Variants in DLGAP2 observed in about 807,000 individuals in gnomAD.
DLGAP2 encodes the protein DLG associated protein 2, also known as disks large-associated protein 2.
In DLGAP2, 26 loss-of-function variants were observed where a neutral mutation model predicts 100.3. The ratio of observed to expected loss-of-function variants is 0.26; its 90% CI spans 0.19 to 0.36. The LOEUF (loss-of-function observed/expected upper bound fraction) is 0.36. Ranked by LOEUF, DLGAP2 falls within the 10% of genes least tolerant of loss-of-function variation. DLGAP2 has a pLI of 1.00. For missense variants in DLGAP2, 1,858 were observed against 1,453.2 expected (o/e 1.28, Z -4.53); for synonymous variants, 886 against 630.1 (o/e 1.41, Z -6.08).
chr8:778,598 C>A (rs1261707819), intron 1 of DLGAP2, among the ~76,000 whole-genome samples: 1 of 152,146 alleles, frequency 6.6e-6, no homozygotes, highest in Non-Finnish European at 1.5e-5. Context: ...TTTTGGAGTA[C>A]CCTGCCCTGT....
chr8:1,527,202 C>G (rs1268258112), intron 4 of DLGAP2, among the ~76,000 whole-genome samples: 2 of 152,254 alleles, frequency 1.3e-5, no homozygotes, highest in Admixed American at 1.3e-4. Flanking sequence ...ACCTCGTCCT[C>G]TTGTCCAGGC....
rs772158962 is a variant in DLGAP2 at position 1,412,170 on chromosome 8, A to G, written c.107-89196A>G. Among the ~76,000 whole-genome samples, 23 of 152,190 alleles carry G rather than the reference A, an allele frequency of 1.5e-4. 1 individual carries two copies. The Middle Eastern group carries it at 0.01, about 68-fold the overall frequency. On this transcript the variant is annotated intron_variant, in intron 3 of 14. Transcript: ENST00000637795. ...GTGCTCCCTTTTTAGCTCCAGTGCT[A>G]TGGCTCCCACTGCCCTCTGCAGAGC...
At chr8:1,211,044 C>G (rs989861890) in intron 2 of DLGAP2, among the ~76,000 whole-genome samples, 2 of 152,256 alleles carry the variant, frequency 1.3e-5, no homozygotes, top group Admixed American at 6.5e-5. Flanking sequence ...GCAGGCTCGG[C>G]TCTTCCGCCA....
chr8:1,501,324 C>G (rs1039638987), intron 3 of DLGAP2, 42 bp from the exon 4 acceptor site: 1 of 1,532,384 alleles, frequency 6.5e-7, no homozygotes, highest in South Asian at 1.2e-5. Flanking sequence ...GCAGTCTACA[C>G]CAGAAACGCA....
intron 2 of DLGAP2, among the ~76,000 whole-genome samples, chr8:999,113 G>A (rs1393344461): frequency 1.3e-5 from 2 of 152,198 alleles, no homozygotes; most frequent in Middle Eastern, 3.4e-3. Flanking sequence ...GCTTAACCTA[G>A]TTAGGACATT....
chr8:1,204,065 C>T (rs1797938723), intron 2 of DLGAP2, among the ~76,000 whole-genome samples: 1 of 152,250 alleles, frequency 6.6e-6, no homozygotes, highest in South Asian at 2.1e-4. Flanking sequence ...CAGGAGAATG[C>T]AGATTCTGAC....
At chr8:1,052,165 G>A (rs1168096573) in intron 2 of DLGAP2, among the ~76,000 whole-genome samples, 3 of 152,158 alleles carry the variant, frequency 2.0e-5, no homozygotes, top group African/African-American at 4.8e-5. Flanking sequence ...AGGTGGGCCT[G>A]GGCCCGGCCG....
intron 3 of DLGAP2, among the ~76,000 whole-genome samples, chr8:1,347,688 T>C (rs1057092753): frequency 6.6e-6 from 1 of 150,848 alleles, no homozygotes; most frequent in Non-Finnish European, 1.5e-5. Context: ...GGTAACTGTC[T>C]GGAGGCTGAG....
At chr8:1,223,174 C>G (rs144332441) in intron 2 of DLGAP2, among the ~76,000 whole-genome samples, 2,168 of 152,294 alleles carry the variant, frequency 0.014, 31 homozygotes, top group South Asian at 0.069. Flanking sequence ...AGGAGTCACT[C>G]AAGGCCAATA....
At chr8:1,499,113 C>G (rs1348574858) in intron 3 of DLGAP2, among the ~76,000 whole-genome samples, 1 of 152,248 alleles carries the variant, frequency 6.6e-6, no homozygotes, top group African/African-American at 2.4e-5. Context: ...GTCCCCACTC[C>G]TCATTCTTGG....
intron 4 of DLGAP2, among the ~76,000 whole-genome samples, chr8:1,528,771 G>A (rs759586043): frequency 8.5e-5 from 13 of 152,188 alleles, no homozygotes; most frequent in South Asian, 2.1e-4. Context: ...GATGAGCCAA[G>A]GAGGAGACAC....
chr8:1,518,903 C>T (rs533153479), intron 4 of DLGAP2, among the ~76,000 whole-genome samples: 39 of 152,322 alleles, frequency 2.6e-4, no homozygotes, highest in African/African-American at 9.4e-4. Flanking sequence ...CATTCTCACG[C>T]CAGTGCCCGT....
intron 1 of DLGAP2, among the ~76,000 whole-genome samples, chr8:837,352 G>C (rs182237650): frequency 6.6e-6 from 1 of 152,200 alleles, no homozygotes; most frequent in African/African-American, 2.4e-5. Flanking sequence ...GCCACTTTTC[G>C]TGGTTCCTGA....
At chr8:1,458,995 A>G (rs1798396992) in intron 3 of DLGAP2, among the ~76,000 whole-genome samples, 1 of 152,088 alleles carries the variant, frequency 6.6e-6, no homozygotes, top group African/African-American at 2.4e-5. Context: ...CCGAGGGGTC[A>G]CCCTACAGAC....
At chr8:1,091,924 T>G (rs1804196641) in intron 2 of DLGAP2, among the ~76,000 whole-genome samples, 1 of 152,082 alleles carries the variant, frequency 6.6e-6, no homozygotes, top group South Asian at 2.1e-4. Context: ...CAGGCTGGGG[T>G]GTAGCGGCCC....
chr8:901,830 T>G (rs1445374225), intron 1 of DLGAP2, among the ~76,000 whole-genome samples: 2 of 152,226 alleles, frequency 1.3e-5, no homozygotes, highest in African/African-American at 4.8e-5. Context: ...TGCCAGCCAT[T>G]TAATACTTGC....
intron 3 of DLGAP2, among the ~76,000 whole-genome samples, chr8:1,425,838 A>G (rs971557755): frequency 2.0e-5 from 3 of 152,186 alleles, no homozygotes; most frequent in Non-Finnish European, 4.4e-5. Context: ...AGACAGCCAG[A>G]AGTTCAGTTC....
At chr8:1,319,630 A>G (rs1800849417) in intron 3 of DLGAP2, among the ~76,000 whole-genome samples, 1 of 152,194 alleles carries the variant, frequency 6.6e-6, no homozygotes, top group Non-Finnish European at 1.5e-5. Context: ...TGAGATGAGA[A>G]AAGGGCCTGG....
In DLGAP2 at chr8:1,668,314, TTTC is replaced by T; in HGVS notation, c.1811-12_1811-10del. On this transcript the variant is annotated splice_polypyrimidine_tract_variant and intron_variant, in intron 8 of 14. Coordinates refer to ENST00000637795, the MANE Select transcript of DLGAP2 (RefSeq NM_001346810.2). ...AAGAACACGCCTGTTGACTTGGGAC[TTTC>T]TTTTCTTACAGCTGTCTCATATACA... 1 of 1,468,212 alleles carries T rather than the reference TTTC, an allele frequency of 6.8e-7. No individual in the cohort carries two copies. The highest frequency in any genetic ancestry group is 9.0e-7 in the Non-Finnish European group (1 of 1,108,198). 90.9% of individuals were successfully genotyped at this position (1,468,212 alleles called of 1,614,324 possible).
Sources: allele counts gnomAD v4.1 joint callset (sites outside exome capture counted in the v4.1 genomes callset), GRCh38; gene constraint gnomAD v4.1.1; transcripts MANE v1.5; gene names NCBI Gene and HGNC (gene_info 2026-07-23, HGNC 2026-07-21).